Variants in KLHL8 observed in about 807,000 individuals in gnomAD.
The protein encoded by KLHL8 is kelch-like protein 8.
A neutral mutation model predicts 63.5 loss-of-function variants in KLHL8; 38 were observed. The ratio of observed to expected loss-of-function variants is 0.60; its 90% CI spans 0.46 to 0.78. The LOEUF (loss-of-function observed/expected upper bound fraction) is 0.78. Ranked by LOEUF, KLHL8 falls within the 30% of genes least tolerant of loss-of-function variation. The pLI is 0.00. For missense variants in KLHL8, 566 were observed against 752.4 expected, an observed-to-expected ratio of 0.75 and a Z score of 2.90; for synonymous variants, 224 against 254.3, an observed-to-expected ratio of 0.88 and a Z score of 1.13.
At chr4:87,238,710 A>C (rs1733277836) in intron 1 of KLHL8, among the ~76,000 whole-genome samples, 1 of 152,226 alleles carries the variant, frequency 6.6e-6, no homozygotes, top group Admixed American at 6.5e-5. Flanking sequence ...TGGAAAAATA[A>C]AAAATGTATT....
rs1731662458 is a variant in KLHL8, at chr4:87,195,536, C to T, written c.4G>A (p.Ala2Thr). The change falls in exon 2 of 10, where the codon GCT becomes ACT. Residue 2 changes from alanine (A) to threonine (T), a missense_variant. By Grantham distance (58) the Ala-to-Thr change is moderately conservative. Transcript: ENST00000273963. M[A>T]SDSMSSKQAR... ...TGTTTACTACTCATAGAATCTGAAG[C>T]CATTTGCAATATTCCTCTTTTAATA... 1 of 1,611,670 alleles carries T rather than the reference C, an allele frequency of 6.2e-7. No homozygotes were observed. Among genetic ancestry groups the T allele is most frequent in the Non-Finnish European group, 8.5e-7 (1 of 1,179,110 alleles).
intron 1 of KLHL8, among the ~76,000 whole-genome samples, chr4:87,198,835 T>G (rs1731801924): frequency 6.6e-6 from 1 of 152,234 alleles, no homozygotes; most frequent in Non-Finnish European, 1.5e-5. Flanking sequence ...ACACCCATGT[T>G]CACTGTGGCA....
chr4:87,189,083 A>G (rs1258432505), intron 2 of KLHL8, among the ~76,000 whole-genome samples: 1 of 152,216 alleles, frequency 6.6e-6, no homozygotes, highest in Non-Finnish European at 1.5e-5. Context: ...GTCGAAAATT[A>G]TTTACGGACA....
At chr4:87,164,587 C>T (rs535921777) in intron 8 of KLHL8, among the ~76,000 whole-genome samples, 1 of 152,348 alleles carries the variant, frequency 6.6e-6, no homozygotes, top group Admixed American at 6.5e-5. Context: ...AAATGGTGGA[C>T]TATGACTGAA....
In KLHL8 at chr4:87,161,078, CTT is replaced by C. The variant is rs752233831; in HGVS notation, c.*2439_*2440del. ...TTTTTTTTTGAGATGGAGTTTCACTCTTGTTTCACCGCTGGAGTGCGATGGCT... is the reference window on the plus strand; with the variant it reads ...TTTTTTTTTGAGATGGAGTTTCACTCGTTTCACCGCTGGAGTGCGATGGCT... On this transcript the variant is annotated 3_prime_UTR_variant, in exon 10 of 10. Coordinates refer to ENST00000273963, the MANE Select transcript of KLHL8 (RefSeq NM_020803.5). 4 of 114,434 alleles carry C rather than the reference CTT, an allele frequency of 3.5e-5. No individual in the cohort carries two copies. The highest frequency in any genetic ancestry group is 2.9e-4 in the East Asian group (1 of 3,466). The allele number at this position is 114,434 out of a possible 1,614,324, so 7.1% of individuals were successfully genotyped here. A position where few individuals can be genotyped will look rare whatever the true frequency, so the allele number is the denominator to read the frequency against.
intron 1 of KLHL8, among the ~76,000 whole-genome samples, chr4:87,210,464 G>A (rs1578398517): frequency 6.6e-6 from 1 of 152,116 alleles, no homozygotes; most frequent in Non-Finnish European, 1.5e-5. Context: ...CTGGGCGACA[G>A]AGCGAGACTC....
At chr4:87,220,294 G>C (rs1378751175) in intron 1 of KLHL8, 124 bp downstream of exon 1, 3 of 152,518 alleles carry the variant, frequency 2.0e-5, no homozygotes, top group South Asian at 2.1e-4. Flanking sequence ...GACCCAAGAC[G>C]GGACGGTGTT....
At chr4:87,176,440 C>T (rs1245758015) in intron 6 of KLHL8, among the ~76,000 whole-genome samples, 1 of 152,182 alleles carries the variant, frequency 6.6e-6, no homozygotes, top group Non-Finnish European at 1.5e-5. Flanking sequence ...ACCACTGGTA[C>T]ACAGAAACTT....
intron 8 of KLHL8, among the ~76,000 whole-genome samples, chr4:87,164,585 G>A (rs1312857203): frequency 6.6e-6 from 1 of 152,110 alleles, no homozygotes; most frequent in Non-Finnish European, 1.5e-5. Context: ...AGAAATGGTG[G>A]ACTATGACTG....
At chr4:87,197,266 T>C (rs916118170) in intron 1 of KLHL8, among the ~76,000 whole-genome samples, 14 of 123,444 alleles carry the variant, frequency 1.1e-4, no homozygotes, top group Admixed American at 5.0e-4. Flanking sequence ...TGTTACATTA[T>C]AGAATACAGT....
At chr4:87,164,918 G>A (rs914186171) in intron 8 of KLHL8, among the ~76,000 whole-genome samples, 7 of 152,002 alleles carry the variant, frequency 4.6e-5, no homozygotes, top group African/African-American at 7.3e-5. Context: ...GGAGGCCAAG[G>A]GGGGCCGATC....
At chr4:87,220,826 C>T (rs893841231), upstream of KLHL8, 6 of 152,262 alleles carry the variant, frequency 3.9e-5, no homozygotes, top group African/African-American at 1.4e-4. Flanking sequence ...AAATAAAACA[C>T]TGCCTAAATA....
intron 1 of KLHL8, among the ~76,000 whole-genome samples, chr4:87,215,627 G>C (rs1027452984): frequency 6.6e-6 from 1 of 152,104 alleles, no homozygotes; most frequent in African/African-American, 2.4e-5. Flanking sequence ...AACAGAACTT[G>C]GTTTTACACT....
intron 1 of KLHL8, among the ~76,000 whole-genome samples, chr4:87,234,408 AG>A (rs1349160534): frequency 6.6e-6 from 1 of 150,880 alleles, no homozygotes; most frequent in South Asian, 2.1e-4. Flanking sequence ...CACTGCACTC[AG>A]CCTGGCAACA....
upstream of KLHL8, among the ~76,000 whole-genome samples, chr4:87,224,046 C>A (rs544338072): frequency 3.9e-4 from 59 of 152,168 alleles, no homozygotes; most frequent in African/African-American, 1.1e-3. Flanking sequence ...TATTTTAACC[C>A]CAATCAACAT....
intron 6 of KLHL8, among the ~76,000 whole-genome samples, chr4:87,171,205 C>A (rs1410407165): frequency 2.0e-5 from 3 of 151,938 alleles, no homozygotes; most frequent in Non-Finnish European, 2.9e-5. Context: ...TCTTAAAAAA[C>A]ACACTGCACC....
intron 2 of KLHL8, among the ~76,000 whole-genome samples, chr4:87,186,382 A>C (rs1347564233): frequency 6.6e-6 from 1 of 152,056 alleles, no homozygotes; most frequent in East Asian, 1.9e-4. Context: ...TACACACAAC[A>C]AACCATGATT....
chr4:87,194,066 C>G (rs1321517089), intron 2 of KLHL8, among the ~76,000 whole-genome samples: 1 of 152,172 alleles, frequency 6.6e-6, no homozygotes, highest in Non-Finnish European at 1.5e-5. Flanking sequence ...GTGCTATCTT[C>G]TAAATGTCCT....
At chr4:87,238,608 C>T (rs971171674) in intron 1 of KLHL8, among the ~76,000 whole-genome samples, 1 of 152,118 alleles carries the variant, frequency 6.6e-6, no homozygotes, top group African/African-American at 2.4e-5. Context: ...TAGTTTAACA[C>T]TGAGAAAGAA....
Sources: gnomAD v4.1 joint callset for allele counts (sites outside exome capture counted in the v4.1 genomes callset) on GRCh38, gnomAD v4.1.1 for gene constraint, MANE v1.5 for transcripts, NCBI Gene and HGNC (gene_info 2026-07-23, HGNC 2026-07-21) for gene names.